TBC1D30: variants seen among roughly 807,000 people sequenced by gnomAD.
TBC1D30 encodes TBC1 domain family member 30, also known as TBC1 domain family, member 30.
In TBC1D30, 31 loss-of-function variants were observed where a neutral mutation model predicts 63.2. That is an observed-to-expected ratio of 0.49 (90% CI 0.37 to 0.66). TBC1D30 has a LOEUF of 0.66. Ranked by LOEUF, TBC1D30 falls within the 30% of genes least tolerant of loss-of-function variation. TBC1D30 has a pLI of 0.00. For synonymous variants in TBC1D30, 307 were observed against 361.5 expected, an observed-to-expected ratio of 0.85 and a Z score of 1.71; for missense variants, 810 against 953.6, an observed-to-expected ratio of 0.85 and a Z score of 1.98.
At chr12:64,840,571 G>A (rs1411314530) in intron 7 of TBC1D30, among the ~76,000 whole-genome samples, 1 of 152,152 alleles carries the variant, frequency 6.6e-6, no homozygotes, top group East Asian at 1.9e-4. Context: ...TACTCTGCAT[G>A]GATAAACTCA....
chr12:64,804,947 T>C (rs909996175), intron 2 of TBC1D30, among the ~76,000 whole-genome samples: 7 of 152,176 alleles, frequency 4.6e-5, no homozygotes, highest in African/African-American at 1.7e-4. Flanking sequence ...ACACCTGTAA[T>C]CCCAGCACTT....
At chr12:64,810,131 G>C (rs114434347) in intron 2 of TBC1D30, among the ~76,000 whole-genome samples, 1 of 152,080 alleles carries the variant, frequency 6.6e-6, no homozygotes, top group African/African-American at 2.4e-5. Context: ...TGATCTCAAG[G>C]CCTCGGAGAA....
intron 6 of TBC1D30, among the ~76,000 whole-genome samples, chr12:64,838,069 A>T (rs531217549): frequency 6.6e-6 from 1 of 152,210 alleles, no homozygotes; most frequent in Non-Finnish European, 1.5e-5. Flanking sequence ...ATAAAGTAAG[A>T]GGGAGTACTA....
intron 8 of TBC1D30, among the ~76,000 whole-genome samples, chr12:64,847,277 T>G (rs1228133271): frequency 6.6e-6 from 1 of 151,982 alleles, no homozygotes; most frequent in Non-Finnish European, 1.5e-5. Flanking sequence ...TCTTCTCTCT[T>G]TTTTTCTTAG....
At chr12:64,800,630 C>A (rs1872543908) in intron 2 of TBC1D30, among the ~76,000 whole-genome samples, 2 of 151,910 alleles carry the variant, frequency 1.3e-5, no homozygotes, top group African/African-American at 2.4e-5. Flanking sequence ...CCCTCAGGTA[C>A]CACATGTAGA....
At chr12:64,834,170 A>G (rs1329438309) in intron 5 of TBC1D30, among the ~76,000 whole-genome samples, 1 of 152,196 alleles carries the variant, frequency 6.6e-6, no homozygotes. Context: ...TAGACATTTA[A>G]TATGCAGAGG....
chr12:64,836,396 C>T (rs941106059), intron 5 of TBC1D30, 94 bp from the exon 6 acceptor site: 8 of 1,002,486 alleles, frequency 8.0e-6, no homozygotes, highest in African/African-American at 1.6e-5. Context: ...TGGCTAACAG[C>T]GTTTTATCTA....
intron 1 of TBC1D30, chr12:64,825,294 G>A (rs1385855944): frequency 4.6e-6 from 2 of 434,502 alleles, no homozygotes; most frequent in African/African-American, 2.1e-5. Context: ...CCCCCACCCT[G>A]CGGCCTGTGT....
At chr12:64,803,156 C>G (rs1872680842) in intron 2 of TBC1D30, among the ~76,000 whole-genome samples, 1 of 152,190 alleles carries the variant, frequency 6.6e-6, no homozygotes, top group Non-Finnish European at 1.5e-5. Context: ...TCTCTAGCAC[C>G]TGTTGTTTCC....
chr12:64,824,757 C>T lies in TBC1D30; in HGVS notation c.-123C>T. The T allele has an allele frequency of 7.4e-7, 1 of 1,342,498 alleles. No homozygotes were observed. Among genetic ancestry groups the T allele is most frequent in the Admixed American group, 2.7e-5 (1 of 37,706 alleles). 83.2% of individuals were successfully genotyped at this position (1,342,498 alleles called of 1,614,324 possible). ...TCCAGCACCAGCCGGCTGTGCGCTC[C>T]CTGCTCCCACGGGCCGGTCAGCCGC... On this transcript the variant is annotated 5_prime_UTR_variant, in exon 1 of 12. Transcript: ENST00000539867.
At chr12:64,811,633 A>G (rs1873225839) in intron 2 of TBC1D30, among the ~76,000 whole-genome samples, 1 of 152,198 alleles carries the variant, frequency 6.6e-6, no homozygotes. Flanking sequence ...ATGTCCAGCC[A>G]TGGCATCGTA....
rs565313877 is a variant in TBC1D30, at chr12:64,866,474, C to T, written c.1152-290C>T. Among the ~76,000 whole-genome samples the T allele has an allele frequency of 4.4e-4, 66 of 151,392 alleles. 1 individual carries two copies. The South Asian group carries it at 0.013, about 29-fold the overall frequency. On this transcript the variant is annotated intron_variant, in intron 9 of 11. Coordinates refer to ENST00000539867, the MANE Select transcript of TBC1D30 (RefSeq NM_015279.2). ...TTTTTGAGACGGAGTCTTGCTCTGT[C>T]GTCGCCCAGGCTGGAATGCAGTGAC...
At chr12:64,870,472 T>C (rs953342941) in intron 10 of TBC1D30, 130 bp from the exon 11 acceptor site, 2 of 690,146 alleles carry the variant, frequency 2.9e-6, no homozygotes, top group Non-Finnish European at 4.9e-6. Context: ...AACTCTAGTA[T>C]GCGTTTTTTT....
chr12:64,826,902 C>T lies in TBC1D30; in HGVS notation c.155-933C>T, dbSNP rs17100698. ...TACATCTCTTTCCAGCTTCTTGACT[C>T]CGTGTATATATATATTTTTTAAAAG... On this transcript the variant is annotated intron_variant, in intron 1 of 11. Coordinates refer to ENST00000539867, the MANE Select transcript of TBC1D30 (RefSeq NM_015279.2). 8.6e-3 allele frequency among the ~76,000 whole-genome samples: 1,313 copies of T among 152,144 alleles called. 20 individuals are homozygous for T. The highest frequency in any genetic ancestry group is 0.03 in the African/African-American group (1,243 of 41,484).
intron 7 of TBC1D30, among the ~76,000 whole-genome samples, chr12:64,839,426 T>C (rs1875646466): frequency 6.6e-6 from 1 of 152,202 alleles, no homozygotes; most frequent in Non-Finnish European, 1.5e-5. Flanking sequence ...AAAGATAGGG[T>C]ATTTTTCATT....
chr12:64,781,000 C>T, exon 1 of TBC1D30: 2 of 1,043,158 alleles, frequency 1.9e-6, no homozygotes, highest in Non-Finnish European at 2.3e-6. Flanking sequence ...GCGATGAGGA[C>T]ACGGAGCCCG....
intron 2 of TBC1D30, among the ~76,000 whole-genome samples, chr12:64,810,284 T>C (rs1565651995): frequency 6.6e-6 from 1 of 152,348 alleles, no homozygotes; most frequent in Admixed American, 6.5e-5. Context: ...TCTCTGTTCT[T>C]ACAGCACCAT....
At chr12:64,864,465 G>A (rs910668397) in intron 8 of TBC1D30, among the ~76,000 whole-genome samples, 2 of 152,198 alleles carry the variant, frequency 1.3e-5, no homozygotes. Context: ...GGGTTGATTT[G>A]AGAGCCCACT....
chr12:64,848,756 G>A (rs998949627), intron 8 of TBC1D30, among the ~76,000 whole-genome samples: 5 of 152,166 alleles, frequency 3.3e-5, no homozygotes, highest in Non-Finnish European at 7.3e-5. Context: ...TGTCTTTATG[G>A]TAGAATGATT....
Sources: allele counts gnomAD v4.1 joint callset (sites outside exome capture counted in the v4.1 genomes callset), GRCh38; gene constraint gnomAD v4.1.1; transcripts MANE v1.5; gene names NCBI Gene and HGNC (gene_info 2026-07-23, HGNC 2026-07-21).